EPHX3: variants seen among roughly 807,000 people sequenced by gnomAD.
EPHX3 encodes the protein abhydrolase domain containing 9.
EPHX3 carries 39 observed loss-of-function variants against 40.2 expected under a neutral mutation model. The observed-to-expected ratio is 0.97, with a 90% CI of 0.75 to 1.27. The LOEUF (loss-of-function observed/expected upper bound fraction) is 1.27. EPHX3 is among the 50% of genes most tolerant of loss of function. The pLI, the probability that EPHX3 is intolerant of heterozygous loss-of-function variation, is 0.00. For missense variants in EPHX3, 442 were observed against 474.0 expected (o/e 0.93, Z 0.63); for synonymous variants, 213 against 209.7 (o/e 1.02, Z -0.14).
chr19:15,231,125 G>A lies in EPHX3; in HGVS notation c.488-35C>T, dbSNP rs764287058. On this transcript the variant is annotated intron_variant, in intron 3 of 6. Transcript: ENST00000221730. Reference sequence around the variant, plus strand: ...TTCAAGGAGCTCGCATAAGTGAGGTGCCCAGTAGGACTGAAGCAGGGATGG... The same window carrying A: ...TTCAAGGAGCTCGCATAAGTGAGGTACCCAGTAGGACTGAAGCAGGGATGG... 1.9e-6 allele frequency: 3 copies of A among 1,613,452 alleles called. No individual in the cohort carries two copies. In the African/African-American group the frequency reaches 4.0e-5, roughly 22 times the overall value.
At position 15,231,668 on chromosome 19, in the gene EPHX3, A is replaced by G. The variant is rs2047155173; in HGVS notation, c.329+108T>C. On this transcript the variant is annotated intron_variant, in intron 2 of 6. Transcript: ENST00000221730. Reference sequence around the variant, plus strand: ...TGGCTCAGTACCCCTATCCCCATCTATGTTCAGCTTGTCCCGATCTATACA... The same window carrying G: ...TGGCTCAGTACCCCTATCCCCATCTGTGTTCAGCTTGTCCCGATCTATACA... 7 of 1,208,236 alleles carry G rather than the reference A, an allele frequency of 5.8e-6. No homozygotes were observed. The South Asian group carries it at 7.5e-5, about 13-fold the overall frequency. The allele number at this position is 1,208,236 out of a possible 1,614,324, so 74.8% of individuals were successfully genotyped here. A position where few individuals can be genotyped will look rare whatever the true frequency, so the allele number is the denominator to read the frequency against.
At chr19:15,236,024 G>A (rs1474880906), upstream of EPHX3, 1 of 152,240 alleles carries the variant, frequency 6.6e-6, no homozygotes. Context: ...TGGCACAGTG[G>A]TATATGAGAA....
At chr19:15,235,679 G>A (rs2047187467), upstream of EPHX3, 1 of 152,078 alleles carries the variant, frequency 6.6e-6, no homozygotes, top group South Asian at 2.1e-4. Context: ...TATTGGCCAA[G>A]CGATCCGTGC....
chr19:15,230,881 A>G, intron 4 of EPHX3, 81 bp downstream of exon 4: 1 of 1,565,068 alleles, frequency 6.4e-7, no homozygotes, highest in South Asian at 1.2e-5. Context: ...TGACAGGTAT[A>G]CAGAGAATTG....
At chr19:15,234,681 T>C (rs902437803), upstream of EPHX3, among the ~76,000 whole-genome samples, 1 of 152,186 alleles carries the variant, frequency 6.6e-6, no homozygotes, top group African/African-American at 2.4e-5. Flanking sequence ...CGTTTTTTGT[T>C]TCCCTGTTAG....
At position 15,231,226 on chromosome 19, in the gene EPHX3, G is replaced by A. The variant is rs2047151402; in HGVS notation, c.487+13C>T. ...TGAGGGAGGCCACGCCTAGGATGGG[G>A]GTATGTCTGCACCCAGGCCTAGGAT... On this transcript the variant is annotated intron_variant, in intron 3 of 6. Coordinates refer to ENST00000221730, the MANE Select transcript of EPHX3 (RefSeq NM_024794.3). 6.2e-7 allele frequency: 1 copy of A among 1,613,810 alleles called. No individual in the cohort carries two copies. The highest frequency in any genetic ancestry group is 2.2e-5 in the East Asian group (1 of 44,872).
intron 4 of EPHX3, among the ~76,000 whole-genome samples, chr19:15,229,569 T>G (rs879419123): frequency 3.6e-5 from 5 of 138,988 alleles, no homozygotes; most frequent in Non-Finnish European, 7.7e-5. Flanking sequence ...GCCACTGCAC[T>G]GCACAGAGTG....
Position 15,230,980 on chromosome 19 carries a change from G to T in EPHX3, c.598C>A (p.Pro200Thr), listed in dbSNP as rs757735805. 1 of 1,613,956 alleles carries T rather than the reference G, an allele frequency of 6.2e-7. No individual in the cohort carries two copies. Among genetic ancestry groups the T allele is most frequent in the Non-Finnish European group, 8.5e-7 (1 of 1,180,000 alleles). ...VERMVVVSGA[P>T]MSVYQDYSLH... ...CACACACCTTGGTACACCGACATGG[G>T]GGCACCACTGACCACAACCATCCGC... Residue 200 changes from proline (P) to threonine (T), a missense_variant, in exon 4 of 7, where the codon CCC becomes ACC. Pro to Thr is a conservative substitution (Grantham distance 38). Transcript: ENST00000221730.
Position 15,232,316 on chromosome 19 carries a change from C to T in EPHX3, c.-105G>A. Reference sequence around the variant, plus strand: ...GGCCCATCGCCCTTGGCCTGGGGCCCCTCCGTGCCGTCGGGATTTGTGGGA... The same window carrying T: ...GGCCCATCGCCCTTGGCCTGGGGCCTCTCCGTGCCGTCGGGATTTGTGGGA... On this transcript the variant is annotated 5_prime_UTR_variant, in exon 1 of 7. Transcript: ENST00000221730. 1 of 1,381,542 alleles carries T rather than the reference C, an allele frequency of 7.2e-7. No homozygotes were observed. The highest frequency in any genetic ancestry group is 9.3e-7 in the Non-Finnish European group (1 of 1,078,186). The allele number at this position is 1,381,542 out of a possible 1,614,324, so 85.6% of individuals were successfully genotyped here.
rs1279216468 is a variant in EPHX3 at position 15,228,022 on chromosome 19, T to C, written c.695A>G (p.Lys232Arg). 1 of 1,613,820 alleles carries C rather than the reference T, an allele frequency of 6.2e-7. No individual in the cohort carries two copies. The highest frequency in any genetic ancestry group is 8.5e-7 in the Non-Finnish European group (1 of 1,179,934). ...FLFQLPWLPE[K>R]LLSMSDFQIL... Reference sequence around the variant, plus strand: ...CTGAAAGTCAGACATAGACAGCAGCTTCTCGGGCAGCCAGGGCAGCTGGAA... The same window carrying C: ...CTGAAAGTCAGACATAGACAGCAGCCTCTCGGGCAGCCAGGGCAGCTGGAA... Residue 232 changes from lysine (K) to arginine (R), a missense_variant, in exon 5 of 7, where the codon AAG becomes AGG. Lys to Arg is a conservative substitution (Grantham distance 26, BLOSUM62 2). Coordinates refer to ENST00000221730, the MANE Select transcript of EPHX3 (RefSeq NM_024794.3).
chr19:15,231,070 C>T lies in EPHX3; in HGVS notation c.508G>A (p.Val170Met), dbSNP rs149985116. 1.2e-5 allele frequency: 19 copies of T among 1,613,904 alleles called. No individual in the cohort carries two copies. The highest frequency in any genetic ancestry group is 1.4e-5 in the Non-Finnish European group (17 of 1,180,018). ...AGGAGGGCACCCCAGTCATGGGCCACAAGGATGCACTTCGAGTAACCTGTG... is the reference window on the plus strand; with the variant it reads ...AGGAGGGCACCCCAGTCATGGGCCATAAGGATGCACTTCGAGTAACCTGTG... ...LGLGYSKCIL[V>M]AHDWGALLAW... Residue 170 changes from valine to methionine, a missense_variant, in exon 4 of 7, where the codon GTG becomes ATG. Coordinates refer to ENST00000221730, the MANE Select transcript of EPHX3 (RefSeq NM_024794.3).
At position 15,232,019 on chromosome 19, in the gene EPHX3, CG is replaced by C; in HGVS notation, c.192del (p.Ala65ProfsTer3). ...GCCGRRRSAS[P>X]ACLSDPSLGE... is the part of the protein sequence containing the mutation. ...CCCAGCGAGGGGTCGCTCAGGCAGGCGGGGGACGCGCTCCGACGGCGCCCGC... is the reference window on the plus strand; with the variant it reads ...CCCAGCGAGGGGTCGCTCAGGCAGGCGGGGACGCGCTCCGACGGCGCCCGC... On this transcript the variant is annotated frameshift_variant, in exon 1 of 7. Transcript: ENST00000221730. LOFTEE classifies it high-confidence loss of function. 3.8e-6 allele frequency: 6 copies of C among 1,598,938 alleles called. No homozygotes were observed. The highest frequency in any genetic ancestry group is 5.1e-6 in the Non-Finnish European group (6 of 1,177,162).
chr19:15,227,287 G>C lies in EPHX3; in HGVS notation c.*150C>G. 1.5e-6 allele frequency: 1 copy of C among 663,308 alleles called. No homozygotes were observed. Among genetic ancestry groups the C allele is most frequent in the Non-Finnish European group, 2.6e-6 (1 of 378,844 alleles). The allele number at this position is 663,308 out of a possible 1,614,324, so 41.1% of individuals were successfully genotyped here. A position where few individuals can be genotyped will look rare whatever the true frequency, so the allele number is the denominator to read the frequency against. On this transcript the variant is annotated 3_prime_UTR_variant, in exon 7 of 7. Coordinates refer to ENST00000221730, the MANE Select transcript of EPHX3 (RefSeq NM_024794.3). ...TGTGTCCCGAGGCACCCATAGGTGC[G>C]CTTGTGTGGGATCCAGGAGTCCCAT...
intron 4 of EPHX3, among the ~76,000 whole-genome samples, chr19:15,228,372 C>A (rs1424528014): frequency 2.0e-5 from 3 of 152,122 alleles, no homozygotes; most frequent in Non-Finnish European, 2.9e-5. Flanking sequence ...GGTGCGTTTC[C>A]TCTGCTTTAT....
upstream of EPHX3, among the ~76,000 whole-genome samples, chr19:15,234,013 T>G (rs958631340): frequency 2.0e-5 from 3 of 151,432 alleles, no homozygotes; most frequent in Non-Finnish European, 2.9e-5. Context: ...TGAGCTGAGA[T>G]TGCGCCACTG....
intron 4 of EPHX3, 140 bp downstream of exon 4, chr19:15,230,822 C>T: frequency 1.7e-6 from 2 of 1,183,464 alleles, no homozygotes; most frequent in Non-Finnish European, 2.3e-6. Flanking sequence ...AGGAGTTCCA[C>T]AACCGAAGGG....
chr19:15,235,681 G>C (rs886246080), upstream of EPHX3: 1 of 152,072 alleles, frequency 6.6e-6, no homozygotes, highest in Non-Finnish European at 1.5e-5. Context: ...TTGGCCAAGC[G>C]ATCCGTGCAT....
chr19:15,232,555 T>C (rs1599422851), upstream of EPHX3: 1 of 440,056 alleles, frequency 2.3e-6, no homozygotes, highest in Non-Finnish European at 3.0e-6. Context: ...CCAGGAAGAC[T>C]CAGCAGCGGG....
intron 4 of EPHX3, among the ~76,000 whole-genome samples, chr19:15,230,162 A>G (rs1383424933): frequency 6.6e-6 from 1 of 151,584 alleles, no homozygotes; most frequent in Non-Finnish European, 1.5e-5. Flanking sequence ...GTGTATTGTG[A>G]TTTATTTTAT....
Sources: allele counts gnomAD v4.1 joint callset (sites outside exome capture counted in the v4.1 genomes callset), GRCh38; gene constraint gnomAD v4.1.1; transcripts MANE v1.5; gene names NCBI Gene and HGNC (gene_info 2026-07-23, HGNC 2026-07-21).